The following ZRANB3 variants were observed in gnomAD, a reference collection of about 807,000 sequenced individuals.
ZRANB3 encodes the protein DNA annealing helicase and endonuclease ZRANB3.
ZRANB3 carries 125 observed loss-of-function variants against 133.8 expected under a neutral mutation model. The ratio of observed to expected loss-of-function variants is 0.93; its 90% CI spans 0.81 to 1.08. ZRANB3 has a LOEUF of 1.08. ZRANB3 is among the 50% of genes least tolerant of loss of function. The pLI, the probability that ZRANB3 is intolerant of heterozygous loss-of-function variation, is 0.00. For synonymous variants in ZRANB3, 387 were observed against 432.7 expected (o/e 0.89, Z 1.31); for missense variants, 1,229 against 1,275.5 (o/e 0.96, Z 0.56).
intron 15 of ZRANB3, among the ~76,000 whole-genome samples, chr2:135,220,334 A>G (rs578222862): frequency 6.6e-6 from 1 of 151,388 alleles, no homozygotes; most frequent in Non-Finnish European, 1.5e-5. Flanking sequence ...ATATTCTCTC[A>G]GCCAAAAAAA....
intron 8 of ZRANB3, among the ~76,000 whole-genome samples, chr2:135,291,429 C>T (rs1172699288): frequency 1.4e-5 from 2 of 148,124 alleles, no homozygotes; most frequent in African/African-American, 5.0e-5. Flanking sequence ...GTGATCCAGC[C>T]CCCTCGGCCT....
intron 3 of ZRANB3, among the ~76,000 whole-genome samples, chr2:135,383,389 T>A (rs1686814880): frequency 2.6e-5 from 4 of 152,000 alleles, no homozygotes; most frequent in African/African-American, 7.3e-5. Context: ...TCCTATACAA[T>A]AATAATGAGA....
At chr2:135,324,146 A>C (rs566975730) in intron 6 of ZRANB3, among the ~76,000 whole-genome samples, 1 of 151,858 alleles carries the variant, frequency 6.6e-6, no homozygotes, top group African/African-American at 2.4e-5. Flanking sequence ...TTTGTTACAT[A>C]TGTATACATG....
At chr2:135,244,350 A>G (rs1280693394) in intron 12 of ZRANB3, among the ~76,000 whole-genome samples, 2 of 152,174 alleles carry the variant, frequency 1.3e-5, no homozygotes, top group Non-Finnish European at 2.9e-5. Flanking sequence ...TCACGCCTGT[A>G]ATCTCAGCAC....
chr2:135,407,260 TACAAGGG>T (rs201502450), intron 2 of ZRANB3, among the ~76,000 whole-genome samples: 10,413 of 152,002 alleles, frequency 0.069, 728 homozygotes, highest in African/African-American at 0.18. Flanking sequence ...GAATCCAACT[TACAAGGG>T]ACATGAAGGA....
In ZRANB3 at chr2:135,399,041, G is replaced by C. The variant is rs574031378; in HGVS notation, c.162-8221C>G. On this transcript the variant is annotated intron_variant, in intron 2 of 20. Transcript: ENST00000264159. ...TGTGATGATAGTGTGATTTGCAAATGAACTACGCCTAGGTTAGATGATGAT... is the reference window on the plus strand; with the variant it reads ...TGTGATGATAGTGTGATTTGCAAATCAACTACGCCTAGGTTAGATGATGAT... Among the ~76,000 whole-genome samples the C allele has an allele frequency of 2.0e-5, 3 of 152,280 alleles. No individual in the cohort carries two copies. The East Asian group carries it at 5.8e-4, about 29-fold the overall frequency.
At position 135,472,516 on chromosome 2, in the gene ZRANB3, A is replaced by C. The variant is rs1482782612; in HGVS notation, c.161+31813T>G. 2.0e-5 allele frequency among the ~76,000 whole-genome samples: 3 copies of C among 151,982 alleles called. No individual in the cohort carries two copies. The South Asian group carries it at 6.2e-4, about 32-fold the overall frequency. ...CGGTCTCAAAAAAAAAAAAAAAAAA[A>C]AAAACTCACAGATGTTCACAAGCTT... On this transcript the variant is annotated intron_variant, in intron 2 of 20. Transcript: ENST00000264159.
At chr2:135,504,951 T>C (rs955275148) in intron 1 of ZRANB3, among the ~76,000 whole-genome samples, 4 of 152,048 alleles carry the variant, frequency 2.6e-5, no homozygotes, top group Non-Finnish European at 5.9e-5. Flanking sequence ...AAAAAAATTA[T>C]AAAATACAAA....
At chr2:135,253,546 A>G (rs1462721725) in intron 12 of ZRANB3, among the ~76,000 whole-genome samples, 2 of 152,172 alleles carry the variant, frequency 1.3e-5, no homozygotes, top group Non-Finnish European at 2.9e-5. Context: ...ACAAACCTAG[A>G]TGGTATAGCA....
Position 135,227,805 on chromosome 2 carries a change from G to C in ZRANB3, c.2158+7C>G. On this transcript the variant is annotated splice_region_variant and intron_variant, in intron 14 of 20. Transcript: ENST00000264159. ...ACTTGGATGCTAGAAATGGAAACAA[G>C]ACTTACCATTACCTGGCTGGGATGT... is the stretch of plus-strand genomic sequence containing the variant. 3 of 1,564,754 alleles carry C rather than the reference G, an allele frequency of 1.9e-6. No homozygotes were observed. Among genetic ancestry groups the C allele is most frequent in the Non-Finnish European group, 1.7e-6 (2 of 1,152,764 alleles).
At chr2:135,511,277 A>C in intron 1 of ZRANB3, 1 of 1,019,588 alleles carries the variant, frequency 9.8e-7, no homozygotes, top group Non-Finnish European at 1.6e-6. Context: ...CCTCAGGAGC[A>C]GTTTCTTCTA....
chr2:135,217,594 A>G lies in ZRANB3; in HGVS notation c.2366T>C (p.Val789Ala). Residue 789 changes from valine to alanine, a missense_variant, in exon 17 of 21, where the codon GTT (valine) becomes GCT (alanine). Transcript: ENST00000264159. ...GGCAGTTAGACTACTCCATTCTCGA[A>G]CAAATCTCAAAATCTGGCAGAAAAT... The part of the protein sequence containing the change: ...KQYRSLILRF[V>A]REWSSLTAMK... 1 of 1,611,038 alleles carries G rather than the reference A, an allele frequency of 6.2e-7. No homozygotes were observed. The highest frequency in any genetic ancestry group is 8.5e-7 in the Non-Finnish European group (1 of 1,179,240).
chr2:135,417,439 A>G (rs1407476510), intron 2 of ZRANB3, among the ~76,000 whole-genome samples: 1 of 152,074 alleles, frequency 6.6e-6, no homozygotes, highest in East Asian at 1.9e-4. Context: ...TAGAATGGCA[A>G]TCATTAAAAA....
At chr2:135,306,390 C>T (rs769867440) in intron 8 of ZRANB3, among the ~76,000 whole-genome samples, 8 of 150,350 alleles carry the variant, frequency 5.3e-5, no homozygotes, top group Non-Finnish European at 1.0e-4. Context: ...TGGGTTCACG[C>T]CATTCTCCTG....
At chr2:135,235,134 T>C (rs1402422797) in intron 12 of ZRANB3, among the ~76,000 whole-genome samples, 1 of 152,126 alleles carries the variant, frequency 6.6e-6, no homozygotes, top group East Asian at 1.9e-4. Flanking sequence ...AAATACAAAC[T>C]ACCATCAGAG....
chr2:135,428,831 G>A (rs1689200842), intron 2 of ZRANB3, among the ~76,000 whole-genome samples: 1 of 152,202 alleles, frequency 6.6e-6, no homozygotes, highest in East Asian at 1.9e-4. Flanking sequence ...AAACCAAGAT[G>A]ACATACTGTC....
At chr2:135,430,707 TA>T (rs1163082248) in intron 2 of ZRANB3, among the ~76,000 whole-genome samples, 3 of 152,178 alleles carry the variant, frequency 2.0e-5, no homozygotes, top group African/African-American at 7.2e-5. Flanking sequence ...GGTATTTTTA[TA>T]AGAATAGATA....
chr2:135,341,757 C>T (rs903475670), intron 6 of ZRANB3, among the ~76,000 whole-genome samples: 8 of 149,978 alleles, frequency 5.3e-5, no homozygotes, highest in African/African-American at 1.8e-4. Context: ...CTAAAATGGC[C>T]GCTCTGGGAG....
intron 3 of ZRANB3, among the ~76,000 whole-genome samples, chr2:135,384,803 C>G (rs1013031596): frequency 5.9e-5 from 9 of 152,116 alleles, no homozygotes; most frequent in African/African-American, 1.9e-4. Context: ...GCCCTTCATG[C>G]TAAAAACTCT....
Sources: gnomAD v4.1 joint callset for allele counts (sites outside exome capture counted in the v4.1 genomes callset) on GRCh38, gnomAD v4.1.1 for gene constraint, MANE v1.5 for transcripts, NCBI Gene and HGNC (gene_info 2026-07-23, HGNC 2026-07-21) for gene names.